The following CKM variants were observed in gnomAD, a reference collection of about 807,000 sequenced individuals.
CKM encodes the protein creatine kinase, M-type.
CKM carries 28 observed loss-of-function variants against 35.4 expected under a neutral mutation model. That is an observed-to-expected ratio of 0.79 (90% CI 0.59 to 1.08). The LOEUF is 1.08. Ranked by LOEUF, CKM falls within the 50% of genes least tolerant of loss-of-function variation. The probability of loss-of-function intolerance (pLI) is 0.00; values close to 1 mark genes in which losing one functional copy is unlikely to be tolerated. For synonymous variants in CKM, 215 were observed against 204.4 expected (o/e 1.05, Z -0.44); for missense variants, 484 against 509.8 (o/e 0.95, Z 0.49).
Position 45,317,936 on chromosome 19 carries a change from C to G in CKM, c.237G>C (p.Glu79Asp). ...GTTCCTTGAAAACTTCGTAGGACTC[C>G]TCATCACCAGCCACGCAGCCCACGG... is the stretch of plus-strand genomic sequence containing the variant. Reference protein sequence around the residue: ...IMTVGCVAGDEESYEVFKELF... With the variant: ...IMTVGCVAGDDESYEVFKELF... Residue 79 changes from glutamate (E) to aspartate (D), a missense_variant, in exon 3 of 8, where the codon GAG becomes GAC. Physicochemically the swap from Glu to Asp is conservative, Grantham distance 45 (BLOSUM62 2). Coordinates refer to ENST00000221476, the MANE Select transcript of CKM (RefSeq NM_001824.5). 1 of 1,613,966 alleles carries G rather than the reference C, an allele frequency of 6.2e-7. No individual in the cohort carries two copies. Among genetic ancestry groups the G allele is most frequent in the Non-Finnish European group, 8.5e-7 (1 of 1,179,960 alleles).
intron 6 of CKM, 38 bp downstream of exon 6, chr19:45,308,371 G>A: frequency 6.8e-6 from 11 of 1,613,716 alleles, no homozygotes; most frequent in Non-Finnish European, 9.3e-6. Context: ...GGCGTTCAAG[G>A]TGGAGTCAGA....
intron 1 of CKM, 49 bp from the exon 2 acceptor site, chr19:45,319,780 TTTC>T (rs758239964): frequency 2.2e-4 from 324 of 1,458,052 alleles, no homozygotes; most frequent in Middle Eastern, 4.5e-4. Flanking sequence ...TGGCATCTTT[TTTC>T]TTCTTCTTCT....
At chr19:45,320,029 T>C (rs1971198866) in intron 1 of CKM, among the ~76,000 whole-genome samples, 1 of 152,018 alleles carries the variant, frequency 6.6e-6, no homozygotes, top group Non-Finnish European at 1.5e-5. Flanking sequence ...GACCTTGTGA[T>C]CCGCCCGCCT....
chr19:45,314,847 G>A (rs984285817), intron 4 of CKM, among the ~76,000 whole-genome samples: 1 of 152,126 alleles, frequency 6.6e-6, no homozygotes, highest in African/African-American at 2.4e-5. Context: ...GAGTAGCTGG[G>A]ATGACAGGTG....
At position 45,319,670 on chromosome 19, in the gene CKM, T is replaced by G. The variant is rs755339617; in HGVS notation, c.44A>C (p.Lys15Thr). ...NTHNKFKLNY[K>T]PEEEYPDLSK... ...GAGGTCGGGGTACTCCTCCTCAGGC[T>G]TGTAATTCAGCTTGAACTTGTTGTG... is the stretch of plus-strand genomic sequence containing the variant. Residue 15 changes from lysine to threonine, a missense_variant, in exon 2 of 8, where the codon AAG (lysine) becomes ACG (threonine). Lys to Thr is a moderately conservative substitution (Grantham distance 78). Transcript: ENST00000221476. 6.2e-7 allele frequency: 1 copy of G among 1,614,236 alleles called. No individual in the cohort carries two copies. The highest frequency in any genetic ancestry group is 1.1e-5 in the South Asian group (1 of 91,084).
chr19:45,318,020 C>T (rs1448536974), intron 2 of CKM, 41 bp from the exon 3 acceptor site: 2 of 1,601,552 alleles, frequency 1.2e-6, no homozygotes, highest in Admixed American at 3.3e-5. Context: ...TTGTCCCCAG[C>T]AAACAGGGCG....
rs1252625015 is a variant in CKM at position 45,308,444 on chromosome 19, CCTT to C, written c.739_741del (p.Lys247del). The C allele has an allele frequency of 6.2e-7, 1 of 1,614,064 alleles. No individual in the cohort carries two copies. The highest frequency in any genetic ancestry group is 1.3e-5 in the African/African-American group (1 of 74,924). On this transcript the variant is annotated inframe_deletion, in exon 6 of 8. Transcript: ENST00000221476. ...CCTACGCAGAAGCGGCGGAAAACCT[CCTT>C]CATGTTGCCCCCCTTCTCCATGGAG...
chr19:45,317,801 C>T (rs1192601363), intron 3 of CKM, 24 bp downstream of exon 3: 1 of 1,613,772 alleles, frequency 6.2e-7, no homozygotes, highest in African/African-American at 1.3e-5. Flanking sequence ...CCCCTCGGCC[C>T]TCCCCTCCTG....
chr19:45,312,394 G>A (rs1971118476), intron 4 of CKM, among the ~76,000 whole-genome samples: 1 of 151,998 alleles, frequency 6.6e-6, no homozygotes, highest in African/African-American at 2.4e-5. Flanking sequence ...TTCGAGTCCA[G>A]TCTGGGTAAC....
At chr19:45,310,116 C>CTTTTTTTTT (rs56240150) in intron 5 of CKM, among the ~76,000 whole-genome samples, 3 of 93,928 alleles carry the variant, frequency 3.2e-5, no homozygotes, top group African/African-American at 8.5e-5. Context: ...CCAGGCACTG[C>CTTTTTTTTT]TTTTTTTTTT....
chr19:45,320,114 T>G (rs1555770412), intron 1 of CKM, among the ~76,000 whole-genome samples: 1 of 139,994 alleles, frequency 7.1e-6, no homozygotes, highest in Non-Finnish European at 1.5e-5. Context: ...TGAGATGGAG[T>G]CTCACTCTGT....
At chr19:45,322,121 C>T (rs1416374422) in intron 1 of CKM, among the ~76,000 whole-genome samples, 1 of 152,060 alleles carries the variant, frequency 6.6e-6, no homozygotes, top group Non-Finnish European at 1.5e-5. Flanking sequence ...CAAGGACATC[C>T]TGGGATGGCA....
intron 4 of CKM, among the ~76,000 whole-genome samples, chr19:45,314,466 T>G (rs4389234): frequency 0.27 from 40,767 of 151,750 alleles, 5,614 homozygotes; most frequent in Non-Finnish European, 0.3. Context: ...CAGGCTGGAG[T>G]GCAGTGGCGT....
chr19:45,315,361 C>G, intron 4 of CKM, 104 bp downstream of exon 4: 1 of 1,313,308 alleles, frequency 7.6e-7, no homozygotes, highest in South Asian at 1.3e-5. Flanking sequence ...AAGCTCTTCC[C>G]CTACTTTGAA....
Position 45,307,469 on chromosome 19 carries a change from C to T in CKM, c.959G>A (p.Arg320Lys). The part of the protein sequence containing the change: ...EILTRLRLQK[R>K]GTGGVDTAAV... The stretch of plus-strand genomic sequence containing the variant: ...GGATGTGGGAGCCGTACCTGTACCC[C>T]TCTTCTGCAGACGCAGGCGGGTGAG... Residue 320 changes from arginine to lysine, a missense_variant, in exon 7 of 8, where the codon AGG becomes AAG. Transcript: ENST00000221476. 1 of 1,613,888 alleles carries T rather than the reference C, an allele frequency of 6.2e-7. No homozygotes were observed. The highest frequency in any genetic ancestry group is 8.5e-7 in the Non-Finnish European group (1 of 1,179,848).
rs1250239260 is a variant in CKM at position 45,307,495 on chromosome 19, G to A, written c.933C>T (p.Ile311=). ...TCTTCTGCAGACGCAGGCGGGTGAG[G>A]ATCTCCTCGAACTTGGGGTGCTTGC... ...HLSKHPKFEE[I]LTRLRLQKRG... The change falls in exon 7 of 8, where the codon ATC becomes ATT. Residue 311 remains isoleucine (I), a synonymous_variant. Transcript: ENST00000221476. 6.2e-7 allele frequency: 1 copy of A among 1,613,858 alleles called. No homozygotes were observed.
rs977505789 is a variant in CKM, at chr19:45,318,720, C to T, written c.194-741G>A. Among the ~76,000 whole-genome samples, 3 of 152,012 alleles carry T rather than the reference C, an allele frequency of 2.0e-5. No homozygotes were observed. The South Asian group carries it at 6.2e-4, about 32-fold the overall frequency. ...TGTTTCCCAGTGGAAAAACAGGGGC[C>T]AGGAGAGAGGGGCTTCTCCCCGGCA... On this transcript the variant is annotated intron_variant, in intron 2 of 7. Coordinates refer to ENST00000221476, the MANE Select transcript of CKM (RefSeq NM_001824.5).
rs759748220 is a variant in CKM at position 45,317,892 on chromosome 19, G to C, written c.281C>G (p.Ser94Trp). The C allele has an allele frequency of 8.7e-6, 14 of 1,613,852 alleles. No homozygotes were observed. The South Asian group carries it at 1.3e-4, about 15-fold the overall frequency. The change falls in exon 3 of 8, where the codon TCG (serine) becomes TGG (tryptophan). Residue 94 changes from serine (S) to tryptophan (W), a missense_variant. Transcript: ENST00000221476. ...GGGTTTGTAGCCCCCGTGGCGATCCGAGATGATGGGGTCAAAGAGTTCCTT... is the reference window on the plus strand; with the variant it reads ...GGGTTTGTAGCCCCCGTGGCGATCCCAGATGATGGGGTCAAAGAGTTCCTT... ...VFKELFDPIISDRHGGYKPTD... is the reference protein window; with the variant it reads ...VFKELFDPIIWDRHGGYKPTD...
chr19:45,322,459 CCACGGCTTGTGGCGCCAGTGTTGGCGA>C lies in CKM; in HGVS notation c.-19+335_-19+361del, dbSNP rs547504652. On this transcript the variant is annotated intron_variant, in intron 1 of 7. Coordinates refer to ENST00000221476, the MANE Select transcript of CKM (RefSeq NM_001824.5). ...CTCTGCTAGGCGACAGACACACCTC[CCACGGCTTGTGGCGCCAGTGTTGGCGA>C]CAAACTGTAATGAACACAGGCCTGG... 7.4e-4 allele frequency among the ~76,000 whole-genome samples: 113 copies of C among 152,342 alleles called. No homozygotes were observed. In the East Asian group the frequency reaches 0.02, roughly 27 times the overall value.
Sources: allele counts gnomAD v4.1 joint callset (sites outside exome capture counted in the v4.1 genomes callset), GRCh38; gene constraint gnomAD v4.1.1; transcripts MANE v1.5; gene names NCBI Gene and HGNC (gene_info 2026-07-23, HGNC 2026-07-21).